MMP16: variants seen among roughly 807,000 people sequenced by gnomAD.
MMP16 encodes matrix metallopeptidase 16.
A neutral mutation model predicts 67.8 loss-of-function variants in MMP16; 12 were observed. That is an observed-to-expected ratio of 0.18 (90% CI 0.11 to 0.29). MMP16 has a LOEUF of 0.29. Among genes scored for constraint, MMP16 ranks in the 10% least tolerant of loss-of-function variants. The pLI, the probability that MMP16 is intolerant of heterozygous loss-of-function variation, is 1.00. For missense variants in MMP16, 475 were observed against 765.7 expected (o/e 0.62, Z 4.48); for synonymous variants, 249 against 255.9 (o/e 0.97, Z 0.26).
intron 1 of MMP16, among the ~76,000 whole-genome samples, chr8:88,275,936 C>T (rs1342367651): frequency 6.6e-6 from 1 of 151,920 alleles, no homozygotes; most frequent in Non-Finnish European, 1.5e-5. Flanking sequence ...TTCATAAAAT[C>T]AACTAAGAGC....
chr8:88,160,217 C>A (rs533458113), intron 4 of MMP16, among the ~76,000 whole-genome samples: 26 of 151,918 alleles, frequency 1.7e-4, no homozygotes, highest in African/African-American at 6.3e-4. Context: ...TGAGAACATG[C>A]GGTGTTTGGT....
chr8:88,198,546 A>C (rs1385691569), intron 1 of MMP16, among the ~76,000 whole-genome samples: 1 of 152,128 alleles, frequency 6.6e-6, no homozygotes, highest in Non-Finnish European at 1.5e-5. Flanking sequence ...ATATTTTCCC[A>C]GTGAAAATAA....
At chr8:88,219,461 T>C (rs759060437) in intron 1 of MMP16, among the ~76,000 whole-genome samples, 12 of 152,038 alleles carry the variant, frequency 7.9e-5, no homozygotes, top group African/African-American at 1.7e-4. Flanking sequence ...ACTATGCAGG[T>C]TGCTTTAAAG....
At chr8:88,094,411 A>G (rs1044168179) in intron 6 of MMP16, among the ~76,000 whole-genome samples, 1 of 151,692 alleles carries the variant, frequency 6.6e-6, no homozygotes, top group Non-Finnish European at 1.5e-5. Flanking sequence ...CTGATTTTCA[A>G]ATTAACAACC....
intron 1 of MMP16, among the ~76,000 whole-genome samples, chr8:88,288,882 CAA>C (rs910346352): frequency 3.5e-4 from 54 of 152,246 alleles, no homozygotes; most frequent in African/African-American, 1.2e-3. Flanking sequence ...CTTCATTAAA[CAA>C]AGAGTCTTTG....
chr8:88,292,228 CCT>C (rs1810936850), intron 1 of MMP16, among the ~76,000 whole-genome samples: 2 of 152,252 alleles, frequency 1.3e-5, no homozygotes, highest in South Asian at 4.2e-4. Flanking sequence ...ATCGTTCAAA[CCT>C]CTCTGTGTTA....
chr8:88,244,029 GT>G (rs879393673), intron 1 of MMP16, among the ~76,000 whole-genome samples: 40 of 102,364 alleles, frequency 3.9e-4, no homozygotes, highest in Middle Eastern at 5.5e-3. Flanking sequence ...CAATAATGAA[GT>G]TTTTTTTTTT....
rs144494239 is a variant in MMP16 at position 88,269,601 on chromosome 8, T to C, written c.132+57474A>G. The stretch of plus-strand genomic sequence containing the variant: ...ATTACAACCTGACCAATTGTTACTA[T>C]ACAACAGAAGACTTCTTCCATTCAG... On this transcript the variant is annotated intron_variant, in intron 1 of 9. Transcript: ENST00000286614. Among the ~76,000 whole-genome samples, 392 of 152,296 alleles carry C rather than the reference T, an allele frequency of 2.6e-3. 4 individuals are homozygous for C. The Middle Eastern group carries it at 0.031, about 12-fold the overall frequency.
intron 1 of MMP16, among the ~76,000 whole-genome samples, chr8:88,252,680 T>A (rs1363130004): frequency 6.6e-6 from 1 of 151,184 alleles, no homozygotes; most frequent in Admixed American, 6.6e-5. Context: ...TTTAACCAAA[T>A]TAACAGACTT....
chr8:88,197,039 A>G, intron 2 of MMP16, 119 bp downstream of exon 2: 1 of 952,022 alleles, frequency 1.1e-6, no homozygotes, highest in Non-Finnish European at 1.5e-6. Flanking sequence ...TATAATTCCA[A>G]AGAAAGTTCA....
intron 2 of MMP16, among the ~76,000 whole-genome samples, chr8:88,196,367 C>T (rs1406408091): frequency 6.6e-6 from 1 of 152,110 alleles, no homozygotes; most frequent in East Asian, 1.9e-4. Context: ...CATAATCTTA[C>T]GAAACTTACT....
At chr8:88,128,238 T>C (rs1807968499) in intron 4 of MMP16, among the ~76,000 whole-genome samples, 1 of 151,880 alleles carries the variant, frequency 6.6e-6, no homozygotes, top group Admixed American at 6.6e-5. Context: ...GTTCACAAAA[T>C]TCCTGCTTTC....
At chr8:88,168,174 C>T (rs940195616) in intron 3 of MMP16, among the ~76,000 whole-genome samples, 1 of 151,992 alleles carries the variant, frequency 6.6e-6, no homozygotes, top group African/African-American at 2.4e-5. Context: ...ATTCATGTAC[C>T]AAAGTTTTAA....
chr8:88,112,784 G>A (rs1322754677), intron 6 of MMP16, among the ~76,000 whole-genome samples: 2 of 151,610 alleles, frequency 1.3e-5, no homozygotes, highest in South Asian at 4.1e-4. Flanking sequence ...AAAGTACAAT[G>A]TAAATCAAAT....
rs1273694386 is a variant in MMP16 at position 88,264,209 on chromosome 8, C to T, written c.132+62866G>A. On this transcript the variant is annotated intron_variant, in intron 1 of 9. Transcript: ENST00000286614. ...GCACACATACACACACACACACATACATTTCTAGAGATGGAATCTCACTGT... is the reference window on the plus strand; with the variant it reads ...GCACACATACACACACACACACATATATTTCTAGAGATGGAATCTCACTGT... 3.3e-5 allele frequency among the ~76,000 whole-genome samples: 5 copies of T among 151,860 alleles called. 1 individual carries two copies. The East Asian group carries it at 9.7e-4, about 30-fold the overall frequency.
chr8:88,321,835 T>C (rs1586019456), intron 1 of MMP16, among the ~76,000 whole-genome samples: 1 of 152,146 alleles, frequency 6.6e-6, no homozygotes, highest in Admixed American at 6.6e-5. Flanking sequence ...ATAAGTTACA[T>C]GTCCAAGTTC....
chr8:88,157,295 GT>G (rs1361930157), intron 4 of MMP16, among the ~76,000 whole-genome samples: 1 of 151,912 alleles, frequency 6.6e-6, no homozygotes, highest in African/African-American at 2.4e-5. Context: ...CATTTACCTT[GT>G]TATAGGTAGT....
At chr8:88,300,356 G>T (rs898357396) in intron 1 of MMP16, among the ~76,000 whole-genome samples, 1 of 152,124 alleles carries the variant, frequency 6.6e-6, no homozygotes, top group East Asian at 1.9e-4. Flanking sequence ...AAAAATTCTA[G>T]AATAACCAAT....
intron 1 of MMP16, among the ~76,000 whole-genome samples, chr8:88,203,361 C>A (rs2129797176): frequency 6.6e-6 from 1 of 152,216 alleles, no homozygotes; most frequent in South Asian, 2.1e-4. Context: ...CTCGTCCTCC[C>A]AAAGTGCTGG....
Sources: gnomAD v4.1 joint callset for allele counts (sites outside exome capture counted in the v4.1 genomes callset) on GRCh38, gnomAD v4.1.1 for gene constraint, MANE v1.5 for transcripts, NCBI Gene and HGNC (gene_info 2026-07-23, HGNC 2026-07-21) for gene names.